PPEF1: variants seen among roughly 807,000 people sequenced by gnomAD.
PPEF1 encodes the protein protein phosphatase with EF-hand domain 1, also known as serine/threonine-protein phosphatase with EF-hands 1.
A neutral mutation model predicts 53.3 loss-of-function variants in PPEF1; 12 were observed. The observed-to-expected ratio is 0.23, with a 90% CI of 0.14 to 0.36. The LOEUF (loss-of-function observed/expected upper bound fraction) is 0.36. PPEF1 is among the 10% of genes least tolerant of loss of function. The pLI is 1.00. For synonymous variants in PPEF1, 165 were observed against 176.7 expected, an observed-to-expected ratio of 0.93 and a Z score of 0.52; for missense variants, 334 against 490.4, an observed-to-expected ratio of 0.68 and a Z score of 3.01.
intron 5 of PPEF1, 42 bp from the exon 6 acceptor site, chrX:18,761,488 T>G: frequency 8.8e-7 from 1 of 1,140,701 alleles, no homozygotes; most frequent in Non-Finnish European, 1.2e-6. Context: ...GGGCATTGCA[T>G]CTTGTTCTCT....
intron 1 of PPEF1, among the ~76,000 whole-genome samples, chrX:18,719,021 T>G (rs757858570): frequency 1.8e-5 from 2 of 112,301 alleles, no homozygotes; most frequent in African/African-American, 6.5e-5. Context: ...GAGTGAAGAT[T>G]AAAGGTTATT....
intron 15 of PPEF1, 48 bp downstream of exon 15, chrX:18,825,883 G>A (rs2047156053): frequency 1.1e-6 from 1 of 903,037 alleles, no homozygotes; most frequent in Non-Finnish European, 1.6e-6. Flanking sequence ...GTATGTGTGT[G>A]TGTATGTTGG....
chrX:18,826,909 C>T (rs1263191105), intron 15 of PPEF1, among the ~76,000 whole-genome samples: 1 of 110,757 alleles, frequency 9.0e-6, no homozygotes, highest in East Asian at 2.8e-4. Flanking sequence ...TATTGACTCC[C>T]ACCGTATCTT....
intron 12 of PPEF1, among the ~76,000 whole-genome samples, chrX:18,811,615 A>ATT (rs772854787): frequency 1.3e-3 from 11 of 8,240 alleles, no homozygotes; most frequent in South Asian, 5.5e-3. Context: ...ATATATATAT[A>ATT]TTTTTTTTTT....
At chrX:18,727,034 A>G (rs187911011) in intron 1 of PPEF1, among the ~76,000 whole-genome samples, 2 of 112,405 alleles carry the variant, frequency 1.8e-5, no homozygotes, top group Admixed American at 9.5e-5. Flanking sequence ...ATTCTACAAC[A>G]TCATTGTGCA....
rs55997147 is a variant in PPEF1, at chrX:18,713,420, C to CTTTTTTTTTTT, written c.46+5602_46+5612dup. Among the ~76,000 whole-genome samples, 618 of 77,411 alleles carry CTTTTTTTTTTT rather than the reference C, an allele frequency of 8.0e-3. 30 individuals carry two copies. Among genetic ancestry groups the CTTTTTTTTTTT allele is most frequent in the African/African-American group, 0.027 (549 of 20,251 alleles). The allele number at this position is 77,411 out of a possible 115,157, so 67.2% of individuals were successfully genotyped here. ...TTGTTCAGAGTATTCCCTTAAAATT[C>CTTTTTTTTTTT]TTTTTTTTTTTTTTTTTTCTTTACT... On this transcript the variant is annotated intron_variant, in intron 1 of 15. Transcript: ENST00000470157.
At chrX:18,785,802 A>T (rs962338816) in intron 9 of PPEF1, among the ~76,000 whole-genome samples, 14 of 110,945 alleles carry the variant, frequency 1.3e-4, no homozygotes, top group African/African-American at 4.6e-4. Context: ...GGATTGCTGG[A>T]ACCCAGGAGT....
intron 13 of PPEF1, among the ~76,000 whole-genome samples, chrX:18,819,643 G>A (rs1000086852): frequency 3.6e-5 from 4 of 111,745 alleles, no homozygotes; most frequent in East Asian, 2.8e-4. Context: ...GCAGTGACCC[G>A]AGACCGCACC....
chrX:18,801,727 A>T (rs1232359136), intron 10 of PPEF1, among the ~76,000 whole-genome samples: 1 of 111,429 alleles, frequency 9.0e-6, no homozygotes, highest in Admixed American at 9.6e-5. Context: ...TCACACCTGT[A>T]ATCCCAACAC....
chrX:18,804,882 T>TGTTGTGTTCC (rs1285419797), intron 11 of PPEF1, among the ~76,000 whole-genome samples: 1 of 111,984 alleles, frequency 8.9e-6, no homozygotes, highest in African/African-American at 3.2e-5. Flanking sequence ...AAACGGAGTG[T>TGTTGTGTTCC]GTTGTGTTCC....
chrX:18,736,637 G>C (rs942524248), intron 3 of PPEF1, among the ~76,000 whole-genome samples: 6 of 111,782 alleles, frequency 5.4e-5, no homozygotes, highest in African/African-American at 2.0e-4. Context: ...GATGGTGCTG[G>C]CCTCATAAAA....
chrX:18,728,126 A>T (rs1344052363), intron 1 of PPEF1, among the ~76,000 whole-genome samples: 1 of 110,885 alleles, frequency 9.0e-6, no homozygotes, highest in African/African-American at 3.3e-5. Flanking sequence ...ACATCACAAC[A>T]AAAGACTGTA....
At chrX:18,778,945 C>A in intron 6 of PPEF1, 65 bp from the exon 7 acceptor site, 1 of 1,034,677 alleles carries the variant, frequency 9.7e-7, no homozygotes, top group Non-Finnish European at 1.3e-6. Context: ...ATGTTATGTA[C>A]ACGGCCTGAC....
At chrX:18,734,408 T>C (rs1022706759) in intron 3 of PPEF1, among the ~76,000 whole-genome samples, 9 of 109,335 alleles carry the variant, frequency 8.2e-5, no homozygotes, top group Admixed American at 2.0e-4. Flanking sequence ...GATAGTTTGC[T>C]CAGAATGATG....
intron 12 of PPEF1, among the ~76,000 whole-genome samples, chrX:18,815,944 A>G (rs2046902233): frequency 9.5e-6 from 1 of 105,051 alleles, no homozygotes. Context: ...CTTGTTGCCC[A>G]GGCTGGAGTG....
At chrX:18,761,758 A>T (rs2045672206) in intron 6 of PPEF1, among the ~76,000 whole-genome samples, 182 bp downstream of exon 6, 1 of 109,888 alleles carries the variant, frequency 9.1e-6, no homozygotes, top group Non-Finnish European at 1.9e-5. Context: ...CATCTCATAA[A>T]TTTTTAAAAA....
At chrX:18,779,317 C>T in intron 7 of PPEF1, 141 bp downstream of exon 7, 1 of 505,997 alleles carries the variant, frequency 2.0e-6, no homozygotes, top group Non-Finnish European at 3.0e-6. Context: ...AATTCTTACC[C>T]CTTTCACCAC....
intron 12 of PPEF1, among the ~76,000 whole-genome samples, chrX:18,817,067 CATGTGTGTGTGTGTGTGTGTGTGTGT>C (rs774719465): frequency 0.017 from 837 of 49,142 alleles, 12 homozygotes; most frequent in African/African-American, 0.044. Context: ...ATCATTTTGC[CATGTGTGTGTGTGTGTGTGTGTGTGT>C]GTGTGTGTGT....
intron 10 of PPEF1, among the ~76,000 whole-genome samples, chrX:18,792,888 C>T (rs1056431863): frequency 9.0e-6 from 1 of 111,362 alleles, no homozygotes; most frequent in Non-Finnish European, 1.9e-5. Flanking sequence ...CCATTGGTTA[C>T]TTGGGGTACA....
Sources: gnomAD v4.1 joint callset for allele counts (sites outside exome capture counted in the v4.1 genomes callset) on GRCh38, gnomAD v4.1.1 for gene constraint, MANE v1.5 for transcripts, NCBI Gene and HGNC (gene_info 2026-07-23, HGNC 2026-07-21) for gene names.